Variants in DNAL1 observed in about 807,000 individuals in gnomAD.
DNAL1 encodes chromosome 14 open reading frame 168.
Under a neutral mutation model 29.4 loss-of-function variants are expected in DNAL1, and 17 were observed. The observed-to-expected ratio is 0.58, with a 90% CI of 0.40 to 0.87. The LOEUF is 0.87. DNAL1 is among the 40% of genes least tolerant of loss of function. The probability of loss-of-function intolerance (pLI) is 0.00; values close to 1 mark genes in which losing one functional copy is unlikely to be tolerated. For synonymous variants in DNAL1, 78 were observed against 76.3 expected (o/e 1.02, Z -0.12); for missense variants, 188 against 214.1 (o/e 0.88, Z 0.76).
Position 73,700,424 on chromosome 14 carries a change from A to G in DNAL1, c.*4482A>G, listed in dbSNP as rs1892406524. The G allele has an allele frequency of 6.6e-6, 1 of 152,154 alleles. No homozygotes were observed. Among genetic ancestry groups the G allele is most frequent in the South Asian group, 2.1e-4 (1 of 4,832 alleles). 9.4% of individuals were successfully genotyped at this position (152,154 alleles called of 1,614,324 possible). On this transcript the variant is annotated 3_prime_UTR_variant, in exon 8 of 8. Transcript: ENST00000553645. ...AACTTGAATAAACACTTCTTTTGAC[A>G]CCTTTTACCAGTGGTCTGAAGCAGA... is the stretch of plus-strand genomic sequence containing the variant.
At chr14:73,668,003 T>C (rs1891529588) in intron 4 of DNAL1, among the ~76,000 whole-genome samples, 1 of 152,242 alleles carries the variant, frequency 6.6e-6, no homozygotes, top group African/African-American at 2.4e-5. Flanking sequence ...CTTCATTCTC[T>C]CAGCTTATGC....
At chr14:73,693,082 C>T (rs1210904580) in intron 7 of DNAL1, among the ~76,000 whole-genome samples, 1 of 152,154 alleles carries the variant, frequency 6.6e-6, no homozygotes, top group East Asian at 1.9e-4. Context: ...GATCCACCCA[C>T]CTCAGCCTCC....
Position 73,655,437 on chromosome 14 carries a change from C to T in DNAL1, c.42+552C>T, listed in dbSNP as rs181020755. On this transcript the variant is annotated intron_variant, in intron 2 of 7. Transcript: ENST00000553645. ...TCGGCTCACTGCAACCTCCGCCTCC[C>T]GGGTTCAAGCGATTCTCCTGCCTCA... 1.6e-3 allele frequency among the ~76,000 whole-genome samples: 241 copies of T among 151,442 alleles called. 5 individuals are homozygous for T. The East Asian group carries it at 0.04, about 25-fold the overall frequency.
At chr14:73,663,656 A>G (rs1392431502) in intron 4 of DNAL1, among the ~76,000 whole-genome samples, 1 of 152,216 alleles carries the variant, frequency 6.6e-6, no homozygotes, top group African/African-American at 2.4e-5. Context: ...CAAACAGGTC[A>G]GGGTCACTGG....
chr14:73,685,709 G>A (rs1415487812), intron 5 of DNAL1, among the ~76,000 whole-genome samples: 4 of 152,034 alleles, frequency 2.6e-5, no homozygotes, highest in East Asian at 1.9e-4. Context: ...TGAGCCGCCC[G>A]CCTTGGCTTC....
intron 5 of DNAL1, among the ~76,000 whole-genome samples, chr14:73,684,795 GC>G (rs1891974574): frequency 6.6e-6 from 1 of 152,130 alleles, no homozygotes; most frequent in South Asian, 2.1e-4. Context: ...TACTCAGGGG[GC>G]TGAGGCAGGA....
At chr14:73,670,885 C>T (rs1387748046) in intron 4 of DNAL1, among the ~76,000 whole-genome samples, 1 of 151,608 alleles carries the variant, frequency 6.6e-6, no homozygotes, top group Non-Finnish European at 1.5e-5. Flanking sequence ...TACAGGTGCC[C>T]ACCACCACAC....
At chr14:73,672,115 T>G (rs1283204257) in intron 5 of DNAL1, among the ~76,000 whole-genome samples, 2 of 152,102 alleles carry the variant, frequency 1.3e-5, no homozygotes, top group East Asian at 1.9e-4. Flanking sequence ...AACAGTAACC[T>G]CCCAAGACAA....
chr14:73,680,381 G>C (rs181025206), intron 5 of DNAL1, among the ~76,000 whole-genome samples: 1 of 152,128 alleles, frequency 6.6e-6, no homozygotes, highest in African/African-American at 2.4e-5. Flanking sequence ...TTGGAGAGAA[G>C]TTATAGCTTT....
chr14:73,689,933 G>A (rs1881112642), intron 7 of DNAL1, among the ~76,000 whole-genome samples: 1 of 151,792 alleles, frequency 6.6e-6, no homozygotes, highest in African/African-American at 2.4e-5. Flanking sequence ...CTACTCGGGA[G>A]GCTGAGGCAG....
rs150183359 is a variant in DNAL1, at chr14:73,701,358, C to G, written c.*5416C>G. On this transcript the variant is annotated 3_prime_UTR_variant, in exon 8 of 8. Transcript: ENST00000553645. ...TAGAGAATCAAACCTCACCCTTGCT[C>G]GTTCTAAACCCACATGAGTAGTTAA... 1 of 148,848 alleles carries G rather than the reference C, an allele frequency of 6.7e-6. No individual in the cohort carries two copies. The highest frequency in any genetic ancestry group is 1.5e-5 in the Non-Finnish European group (1 of 66,934). 9.2% of individuals were successfully genotyped at this position (148,848 alleles called of 1,614,324 possible). A position where few individuals can be genotyped will look rare whatever the true frequency, so the allele number is the denominator to read the frequency against.
chr14:73,698,052 T>A lies in DNAL1; in HGVS notation c.*2110T>A, dbSNP rs1223247608. The A allele has an allele frequency of 6.6e-6, 1 of 152,196 alleles. No individual in the cohort carries two copies. The highest frequency in any genetic ancestry group is 1.5e-5 in the Non-Finnish European group (1 of 68,022). The allele number at this position is 152,196 out of a possible 1,614,324, so 9.4% of individuals were successfully genotyped here. On this transcript the variant is annotated 3_prime_UTR_variant, in exon 8 of 8. Transcript: ENST00000553645. ...AAAGTAACCCTGGAAGTGAATATAA[T>A]AGGAAGTAAGTGATTTCATATTGAA...
chr14:73,665,789 C>CAA (rs762807613), intron 4 of DNAL1, among the ~76,000 whole-genome samples: 2 of 100,986 alleles, frequency 2.0e-5, no homozygotes, highest in Non-Finnish European at 4.2e-5. Context: ...AGACTCATCT[C>CAA]AAAAAAAAAA....
At chr14:73,680,514 C>G (rs1441512996) in intron 5 of DNAL1, among the ~76,000 whole-genome samples, 1 of 152,034 alleles carries the variant, frequency 6.6e-6, no homozygotes, top group African/African-American at 2.4e-5. Flanking sequence ...CTGAGTAATT[C>G]TTAAATTGAC....
intron 4 of DNAL1, among the ~76,000 whole-genome samples, chr14:73,667,782 G>A (rs7152308): frequency 0.22 from 33,703 of 152,138 alleles, 5,006 homozygotes; most frequent in Non-Finnish European, 0.33. Flanking sequence ...GATTATAGGC[G>A]TGAGTGAGCC....
chr14:73,695,048 CTTTT>C (rs71112798), intron 7 of DNAL1, among the ~76,000 whole-genome samples: 80 of 60,882 alleles, frequency 1.3e-3, no homozygotes, highest in African/African-American at 5.5e-3. Flanking sequence ...TACTTGTTGG[CTTTT>C]TTTTTTTTTT....
At chr14:73,668,789 G>A (rs1015234590) in intron 4 of DNAL1, among the ~76,000 whole-genome samples, 2 of 152,140 alleles carry the variant, frequency 1.3e-5, no homozygotes, top group African/African-American at 4.8e-5. Context: ...CAATTCTCCT[G>A]CCTCAGCTTT....
intron 5 of DNAL1, among the ~76,000 whole-genome samples, chr14:73,681,322 A>G (rs1441703573): frequency 6.6e-6 from 1 of 151,280 alleles, no homozygotes; most frequent in Admixed American, 6.6e-5. Flanking sequence ...TTTACTAGAG[A>G]TGGGGTTTCA....
At chr14:73,690,325 T>A (rs915074747) in intron 7 of DNAL1, among the ~76,000 whole-genome samples, 2 of 152,142 alleles carry the variant, frequency 1.3e-5, no homozygotes, top group Admixed American at 6.6e-5. Flanking sequence ...CTCTTCCCTG[T>A]ATCACAAGGA....
Sources: allele counts gnomAD v4.1 joint callset (sites outside exome capture counted in the v4.1 genomes callset), GRCh38; gene constraint gnomAD v4.1.1; transcripts MANE v1.5; gene names NCBI Gene and HGNC (gene_info 2026-07-23, HGNC 2026-07-21).